KCNU1: variants seen among roughly 807,000 people sequenced by gnomAD.
The protein encoded by KCNU1 is potassium calcium-activated channel subfamily U member 1, also known as potassium channel subfamily U member 1.
KCNU1 carries 93 observed loss-of-function variants against 126.8 expected under a neutral mutation model. The observed-to-expected ratio is 0.73, with a 90% CI of 0.62 to 0.87. The LOEUF is 0.87. KCNU1 is among the 40% of genes least tolerant of loss of function. The probability of loss-of-function intolerance (pLI) is 0.00; values close to 1 mark genes in which losing one functional copy is unlikely to be tolerated. For missense variants in KCNU1, 1,330 were observed against 1,367.1 expected (o/e 0.97, Z 0.43); for synonymous variants, 523 against 494.2 (o/e 1.06, Z -0.77).
At chr8:36,845,298 A>G (rs995519545) in intron 16 of KCNU1, among the ~76,000 whole-genome samples, 40 of 152,202 alleles carry the variant, frequency 2.6e-4, no homozygotes, top group African/African-American at 9.4e-4. Context: ...GGACCATCTC[A>G]GATGCATGAC....
At chr8:36,790,450 G>C (rs888722413) in intron 2 of KCNU1, among the ~76,000 whole-genome samples, 1 of 149,744 alleles carries the variant, frequency 6.7e-6, no homozygotes. Flanking sequence ...CAATGAAATA[G>C]AGAAATAAAT....
Position 36,807,737 on chromosome 8 carries a change from A to C in KCNU1, c.656+287A>C, listed in dbSNP as rs191432930. Among the ~76,000 whole-genome samples the C allele has an allele frequency of 2.0e-4, 31 of 152,244 alleles. No homozygotes were observed. In the East Asian group the frequency reaches 5.8e-3, roughly 28 times the overall value. On this transcript the variant is annotated intron_variant, in intron 6 of 26. Coordinates refer to ENST00000399881, the MANE Select transcript of KCNU1 (RefSeq NM_001031836.3). ...ATTCTAGGTCCCTCCACCAAAAAAAAAAAAAAAAGTCAAAGCAATTCAGAG... is the reference window on the plus strand; with the variant it reads ...ATTCTAGGTCCCTCCACCAAAAAAACAAAAAAAAGTCAAAGCAATTCAGAG...
intron 18 of KCNU1, among the ~76,000 whole-genome samples, chr8:36,848,606 G>T (rs754854119): frequency 6.6e-6 from 1 of 152,106 alleles, no homozygotes; most frequent in South Asian, 2.1e-4. Context: ...TGCTGTTTGG[G>T]ATTTTAAACT....
At chr8:36,807,336 T>A (rs1803540553) in intron 5 of KCNU1, 39 bp from the exon 6 acceptor site, 1 of 1,471,712 alleles carries the variant, frequency 6.8e-7, no homozygotes, top group Non-Finnish European at 9.5e-7. Flanking sequence ...GGAGTGACCC[T>A]CTGATTTTGG....
At position 36,799,860 on chromosome 8, in the gene KCNU1, T is replaced by C. The variant is rs184255943; in HGVS notation, c.316-4167T>C. 5.3e-3 allele frequency among the ~76,000 whole-genome samples: 809 copies of C among 152,138 alleles called. 8 individuals carry two copies. The highest frequency in any genetic ancestry group is 0.019 in the African/African-American group (775 of 41,534). On this transcript the variant is annotated intron_variant, in intron 2 of 26. Transcript: ENST00000399881. ...CCAGCCCTTGCACTTTTAATTATAA[T>C]TTTTATCTCAGGTTTTTGCTTGGTG...
At chr8:36,844,166 G>A (rs558158930) in intron 16 of KCNU1, among the ~76,000 whole-genome samples, 1 of 152,244 alleles carries the variant, frequency 6.6e-6, no homozygotes, top group South Asian at 2.1e-4. Context: ...ATCACCTGAG[G>A]TCAGGGGTTT....
chr8:36,863,969 C>T (rs1805812676), intron 18 of KCNU1, among the ~76,000 whole-genome samples: 1 of 152,054 alleles, frequency 6.6e-6, no homozygotes, highest in African/African-American at 2.4e-5. Context: ...ATAAAGAAAG[C>T]CTCAAAGAAA....
intron 10 of KCNU1, among the ~76,000 whole-genome samples, chr8:36,830,975 T>C (rs1242810263): frequency 6.9e-6 from 1 of 145,120 alleles, no homozygotes; most frequent in Non-Finnish European, 1.5e-5. Context: ...GTTCTCATTG[T>C]TCAATTCCCA....
intron 19 of KCNU1, among the ~76,000 whole-genome samples, chr8:36,890,494 T>A (rs62490752): frequency 6.6e-6 from 1 of 151,916 alleles, no homozygotes; most frequent in African/African-American, 2.4e-5. Context: ...CAACTCCTAA[T>A]TTAAAAAAAT....
chr8:36,869,620 C>G (rs1036498595), intron 19 of KCNU1, among the ~76,000 whole-genome samples: 4 of 152,052 alleles, frequency 2.6e-5, no homozygotes, highest in African/African-American at 9.7e-5. Flanking sequence ...GACATGAGCT[C>G]CAGATCGCCA....
At position 36,851,087 on chromosome 8, in the gene KCNU1, AG is replaced by A. The variant is rs569143991; in HGVS notation, c.1891+5190del. On this transcript the variant is annotated intron_variant, in intron 18 of 26. Coordinates refer to ENST00000399881, the MANE Select transcript of KCNU1 (RefSeq NM_001031836.3). The stretch of plus-strand genomic sequence containing the variant: ...GGATTTCTGCATTTCCATGTGGGTC[AG>A]GATCAATATGTTAATTTCTGCAAGG... Among the ~76,000 whole-genome samples the A allele has an allele frequency of 7.5e-4, 114 of 152,300 alleles. 1 individual carries two copies. Among genetic ancestry groups the A allele is most frequent in the African/African-American group, 2.7e-3 (112 of 41,564 alleles).
intron 19 of KCNU1, chr8:36,888,784 A>G (rs745378627): frequency 5.6e-6 from 3 of 531,518 alleles, no homozygotes; most frequent in Non-Finnish European, 7.7e-6. Context: ...TCAACGAAAA[A>G]CTTGAAGAAC....
intron 19 of KCNU1, among the ~76,000 whole-genome samples, chr8:36,880,620 A>T (rs1166831861): frequency 6.6e-6 from 1 of 152,066 alleles, no homozygotes; most frequent in Non-Finnish European, 1.5e-5. Context: ...CCTTTGTCAG[A>T]TGCTTTAGGC....
At chr8:36,787,239 G>T in intron 1 of KCNU1, 67 bp from the exon 2 acceptor site, 1 of 1,421,656 alleles carries the variant, frequency 7.0e-7, no homozygotes, top group South Asian at 1.5e-5. Flanking sequence ...CTCCATCAAC[G>T]TAAGTAGAAC....
At chr8:36,865,613 A>T (rs1805878546) in intron 19 of KCNU1, among the ~76,000 whole-genome samples, 1 of 65,246 alleles carries the variant, frequency 1.5e-5, no homozygotes, top group Non-Finnish European at 4.2e-5. Context: ...CAAAAATTAA[A>T]AAAAAAAAAA....
chr8:36,801,699 T>G (rs910704725), intron 2 of KCNU1, among the ~76,000 whole-genome samples: 4 of 152,108 alleles, frequency 2.6e-5, no homozygotes, highest in African/African-American at 9.7e-5. Flanking sequence ...CACACATATA[T>G]ATATCTCCAC....
intron 10 of KCNU1, among the ~76,000 whole-genome samples, chr8:36,821,715 C>T (rs1357344061): frequency 6.6e-6 from 1 of 152,102 alleles, no homozygotes; most frequent in Non-Finnish European, 1.5e-5. Context: ...GATGCTTTGA[C>T]TTAAAACAAT....
chr8:36,853,298 C>T (rs1383829679), intron 18 of KCNU1, among the ~76,000 whole-genome samples: 1 of 152,146 alleles, frequency 6.6e-6, no homozygotes, highest in East Asian at 1.9e-4. Flanking sequence ...TGCAGTGAGC[C>T]AAGATCATGC....
In KCNU1 at chr8:36,863,683, T is replaced by G. The variant is rs115190403; in HGVS notation, c.1892-721T>G. 5.8e-3 allele frequency among the ~76,000 whole-genome samples: 881 copies of G among 152,252 alleles called. 7 individuals carry two copies. The highest frequency in any genetic ancestry group is 0.019 in the African/African-American group (788 of 41,540). The stretch of plus-strand genomic sequence containing the variant: ...TGAATCTGGGTTCCAGGATAAGAAC[T>G]GCATGATTGTATATCAACATATGGG... On this transcript the variant is annotated intron_variant, in intron 18 of 26. Coordinates refer to ENST00000399881, the MANE Select transcript of KCNU1 (RefSeq NM_001031836.3).
Sources: gnomAD v4.1 joint callset for allele counts (sites outside exome capture counted in the v4.1 genomes callset) on GRCh38, gnomAD v4.1.1 for gene constraint, MANE v1.5 for transcripts, NCBI Gene and HGNC (gene_info 2026-07-23, HGNC 2026-07-21) for gene names.